Variants in LINGO2 observed in about 807,000 individuals in gnomAD.
LINGO2 encodes leucine-rich repeat and immunoglobulin-like domain-containing nogo receptor-interacting protein 2.
In LINGO2, 14 loss-of-function variants were observed where a neutral mutation model predicts 30.6. The observed-to-expected ratio is 0.46, with a 90% confidence interval of 0.30 to 0.72. The LOEUF is 0.72. Among genes scored for constraint, LINGO2 ranks in the 30% least tolerant of loss-of-function variants. The pLI is 0.07. For missense variants in LINGO2, 729 were observed against 751.7 expected, an observed-to-expected ratio of 0.97 and a Z score of 0.35; for synonymous variants, 317 against 288.5, an observed-to-expected ratio of 1.10 and a Z score of -1.00.
the LINGO2 span, among the ~76,000 whole-genome samples, chr9:28,764,730 G>A: frequency 3.1e-3 from 466 of 151,918 alleles, 8 homozygotes; most frequent in African/African-American, 0.011. Context: ...TGTGAATGAC[G>A]TAATCCTATA....
chr9:28,542,661 T>A (rs1426707729), intron 1 of LINGO2, among the ~76,000 whole-genome samples: 1 of 152,084 alleles, frequency 6.6e-6, no homozygotes, highest in Non-Finnish European at 1.5e-5. Flanking sequence ...CCATCACCAC[T>A]GATTAACCCA....
intron 4 of LINGO2, among the ~76,000 whole-genome samples, chr9:28,221,202 A>T (rs1424621068): frequency 6.9e-6 from 1 of 145,390 alleles, no homozygotes; most frequent in Non-Finnish European, 1.5e-5. Context: ...TTGGAGGCTG[A>T]GGCAGGAGAA....
Position 28,582,879 on chromosome 9 carries a change from A to G in LINGO2, c.-365+87321T>C, listed in dbSNP as rs146124237. On this transcript the variant is annotated intron_variant, in intron 1 of 5. Transcript: ENST00000379992. ...AATTGGACTTGTGAGTGAAAAACAT[A>G]CCGATGCTTTGACTTGAGATTATCA... Among the ~76,000 whole-genome samples the G allele has an allele frequency of 2.6e-3, 398 of 152,124 alleles. 3 individuals are homozygous for G. Among genetic ancestry groups the G allele is most frequent in the African/African-American group, 9.2e-3 (381 of 41,540 alleles).
At chr9:28,164,293 G>C (rs1828367240) in intron 4 of LINGO2, among the ~76,000 whole-genome samples, 1 of 152,038 alleles carries the variant, frequency 6.6e-6, no homozygotes, top group Non-Finnish European at 1.5e-5. Context: ...TGCTATACTA[G>C]ACACTGTGGT....
At chr9:29,085,503 G>T in the LINGO2 span, among the ~76,000 whole-genome samples, 1 of 151,614 alleles carries the variant, frequency 6.6e-6, no homozygotes, top group Non-Finnish European at 1.5e-5. Context: ...TATTCGAAAA[G>T]AAAAAAATCA....
intron 2 of LINGO2, among the ~76,000 whole-genome samples, chr9:28,390,386 T>C (rs1821776038): frequency 6.6e-6 from 1 of 152,214 alleles, no homozygotes; most frequent in Non-Finnish European, 1.5e-5. Context: ...TCCGAAGCCA[T>C]GTATTATTTA....
At chr9:28,092,585 A>T (rs977845634) in intron 4 of LINGO2, among the ~76,000 whole-genome samples, 6 of 151,586 alleles carry the variant, frequency 4.0e-5, no homozygotes, top group Non-Finnish European at 7.4e-5. Flanking sequence ...ATTAAGAGAT[A>T]TACCTAATGT....
At chr9:28,687,098 T>C in the LINGO2 span, among the ~76,000 whole-genome samples, 12 of 151,998 alleles carry the variant, frequency 7.9e-5, no homozygotes, top group African/African-American at 2.9e-4. Flanking sequence ...AAAATAAACA[T>C]TATAACCCAG....
chr9:28,312,288 A>G (rs908896986), intron 3 of LINGO2, among the ~76,000 whole-genome samples: 28 of 151,904 alleles, frequency 1.8e-4, no homozygotes, highest in African/African-American at 6.5e-4. Context: ...AAACTTTGAC[A>G]TAAGCTCAAA....
At chr9:28,292,430 A>C (rs1162649114) in intron 4 of LINGO2, among the ~76,000 whole-genome samples, 3 of 152,128 alleles carry the variant, frequency 2.0e-5, no homozygotes, top group Non-Finnish European at 4.4e-5. Flanking sequence ...GTCCAAGAAC[A>C]TATTTTGTGT....
chr9:28,993,634 C>T, the LINGO2 span, among the ~76,000 whole-genome samples: 6 of 150,308 alleles, frequency 4.0e-5, no homozygotes, highest in African/African-American at 1.2e-4. Flanking sequence ...ACTAGCAAAC[C>T]GAATCCAGCA....
chr9:28,073,557 C>A (rs532615542), intron 4 of LINGO2, among the ~76,000 whole-genome samples: 6 of 151,998 alleles, frequency 3.9e-5, no homozygotes, highest in African/African-American at 1.5e-4. Flanking sequence ...TTAAAGGAAC[C>A]ATTTTTAAAA....
the LINGO2 span, among the ~76,000 whole-genome samples, chr9:28,905,912 G>T: frequency 6.6e-6 from 1 of 151,992 alleles, no homozygotes; most frequent in Non-Finnish European, 1.5e-5. Context: ...CAACCCAAGT[G>T]TCCATTAAAG....
the LINGO2 span, among the ~76,000 whole-genome samples, chr9:28,998,593 G>A: frequency 2.6e-5 from 4 of 151,948 alleles, no homozygotes; most frequent in Admixed American, 1.3e-4. Context: ...TGAATTAATA[G>A]TTTCCTAGTT....
the LINGO2 span, among the ~76,000 whole-genome samples, chr9:29,136,882 C>A: frequency 1.3e-5 from 2 of 152,110 alleles, no homozygotes; most frequent in African/African-American, 2.4e-5. Context: ...TACTGTACTG[C>A]ATGTCATTTG....
the LINGO2 span, among the ~76,000 whole-genome samples, chr9:29,071,530 T>C: frequency 1.4e-5 from 2 of 142,912 alleles, no homozygotes; most frequent in Non-Finnish European, 3.0e-5. Flanking sequence ...TATATGTATA[T>C]ACACACACAC....
At chr9:28,675,772 G>A in the LINGO2 span, among the ~76,000 whole-genome samples, 1 of 151,144 alleles carries the variant, frequency 6.6e-6, no homozygotes, top group East Asian at 2.0e-4. Flanking sequence ...TCGGGAGGCT[G>A]AGGCAGGAGA....
At chr9:28,871,998 A>G in the LINGO2 span, among the ~76,000 whole-genome samples, 2 of 152,004 alleles carry the variant, frequency 1.3e-5, no homozygotes, top group East Asian at 3.9e-4. Context: ...GTGTCACAAT[A>G]TAGTCAATGA....
At chr9:28,237,447 T>C (rs1193575666) in intron 4 of LINGO2, among the ~76,000 whole-genome samples, 3 of 152,026 alleles carry the variant, frequency 2.0e-5, no homozygotes, top group Admixed American at 6.6e-5. Context: ...CACTTATCTG[T>C]CACTCAATAA....
Sources: allele counts gnomAD v4.1 joint callset (sites outside exome capture counted in the v4.1 genomes callset), GRCh38; gene constraint gnomAD v4.1.1; transcripts MANE v1.5; gene names NCBI Gene and HGNC (gene_info 2026-07-23, HGNC 2026-07-21).